The following NAV2 variants were observed in gnomAD, a reference collection of about 807,000 sequenced individuals.
NAV2 encodes neuron navigator 2, also known as helicase, APC down-regulated 1.
Under a neutral mutation model 223.2 loss-of-function variants are expected in NAV2, and 54 were observed. That is an observed-to-expected ratio of 0.24 (90% CI 0.19 to 0.30). The LOEUF is 0.30. Ranked by LOEUF, NAV2 falls within the 10% of genes least tolerant of loss-of-function variation. NAV2 has a pLI of 1.00. For missense variants in NAV2, 2,806 were observed against 3,147.5 expected (o/e 0.89, Z 2.60); for synonymous variants, 1,279 against 1,239.3 (o/e 1.03, Z -0.67).
chr11:19,693,894 G>A (rs1243025790), intron 1 of NAV2, among the ~76,000 whole-genome samples: 1 of 152,158 alleles, frequency 6.6e-6, no homozygotes, highest in Non-Finnish European at 1.5e-5. Flanking sequence ...TAGGAGATTG[G>A]ACTGTAAAAT....
chr11:19,890,011 A>G (rs971486666), intron 5 of NAV2, among the ~76,000 whole-genome samples: 1 of 152,170 alleles, frequency 6.6e-6, no homozygotes, highest in Non-Finnish European at 1.5e-5. Flanking sequence ...TGTTTCTTTT[A>G]TGCCAGTGTC....
intron 1 of NAV2, among the ~76,000 whole-genome samples, chr11:19,552,578 A>G (rs184015791): frequency 4.1e-4 from 62 of 152,258 alleles, no homozygotes; most frequent in Non-Finnish European, 7.9e-4. Context: ...ACACAAGAAA[A>G]ACTCCATTTG....
At chr11:19,841,009 C>T (rs2060482812) in intron 2 of NAV2, among the ~76,000 whole-genome samples, 1 of 152,120 alleles carries the variant, frequency 6.6e-6, no homozygotes, top group East Asian at 1.9e-4. Context: ...TGAGTTATTC[C>T]ATTCAGTGGG....
In NAV2 at chr11:19,998,649, T is replaced by A. The variant is rs542597980; in HGVS notation, c.2768+14402T>A. ...CATCCATTCCCCTGGACGTGCCGGA[T>A]CTTCTCTTTCGTCAGAAGCTTTGCA... On this transcript the variant is annotated intron_variant, in intron 11 of 37. Coordinates refer to ENST00000349880, the MANE Select transcript of NAV2 (RefSeq NM_145117.5). The surrounding 1 kb of genome is among the most constrained non-coding windows in gnomAD (Gnocchi z 5.0). 1.3e-5 allele frequency among the ~76,000 whole-genome samples: 2 copies of A among 152,204 alleles called. No homozygotes were observed. Among genetic ancestry groups the A allele is most frequent in the Admixed American group, 6.5e-5 (1 of 15,286 alleles).
chr11:19,846,370 C>A (rs1028234587), intron 3 of NAV2, among the ~76,000 whole-genome samples: 1 of 152,146 alleles, frequency 6.6e-6, no homozygotes, highest in African/African-American at 2.4e-5. Context: ...GAAGAGCCCA[C>A]AGTACAACAG....
intron 1 of NAV2, among the ~76,000 whole-genome samples, chr11:19,740,012 C>T (rs752633310): frequency 3.9e-5 from 6 of 152,136 alleles, no homozygotes; most frequent in East Asian, 3.9e-4. Context: ...CCTGTTTATT[C>T]GTACTCCGAG....
At chr11:20,111,287 G>T (rs896977221) in intron 36 of NAV2, among the ~76,000 whole-genome samples, 1 of 152,156 alleles carries the variant, frequency 6.6e-6, no homozygotes, top group Non-Finnish European at 1.5e-5. Flanking sequence ...TCCTGACCCA[G>T]TGGGGATGCC....
At chr11:19,766,127 A>G (rs541696512) in intron 1 of NAV2, among the ~76,000 whole-genome samples, 1 of 151,988 alleles carries the variant, frequency 6.6e-6, no homozygotes, top group Admixed American at 6.6e-5. Flanking sequence ...TAATTATATA[A>G]TATATAATTA....
Position 19,887,487 on chromosome 11 carries a change from T to C in NAV2, c.771-4947T>C, listed in dbSNP as rs2041112615. On this transcript the variant is annotated intron_variant, in intron 5 of 37. Transcript: ENST00000349880. Reference sequence around the variant, plus strand: ...GATTTGATCTCTATGAGCCTGGGTTTCCTTATTGGTCAAATGGGGTAGTCT... The same window carrying C: ...GATTTGATCTCTATGAGCCTGGGTTCCCTTATTGGTCAAATGGGGTAGTCT... Among the ~76,000 whole-genome samples, 3 of 152,174 alleles carry C rather than the reference T, an allele frequency of 2.0e-5. No individual in the cohort carries two copies. In the South Asian group the frequency reaches 6.2e-4, roughly 32 times the overall value.
chr11:19,531,565 G>A (rs2044028756), intron 1 of NAV2, among the ~76,000 whole-genome samples: 1 of 152,210 alleles, frequency 6.6e-6, no homozygotes, highest in Non-Finnish European at 1.5e-5. Context: ...AAAGAAAGGA[G>A]TCTATGGTAA....
intron 2 of NAV2, among the ~76,000 whole-genome samples, chr11:19,838,405 G>A (rs2060342706): frequency 6.6e-6 from 1 of 152,116 alleles, no homozygotes; most frequent in Admixed American, 6.5e-5. Flanking sequence ...AGTGAGACAG[G>A]CAAAGCAGTC....
At chr11:19,914,808 T>C (rs974993717) in intron 6 of NAV2, among the ~76,000 whole-genome samples, 1 of 151,826 alleles carries the variant, frequency 6.6e-6, no homozygotes, top group African/African-American at 2.4e-5. Flanking sequence ...CCTCCCAAAG[T>C]GCTGGGATTA....
chr11:20,048,580 C>A, intron 14 of NAV2, 148 bp from the exon 15 acceptor site: 1 of 674,302 alleles, frequency 1.5e-6, no homozygotes, highest in Non-Finnish European at 2.5e-6. Context: ...CTGACCTTTC[C>A]CTGAAGTACC....
chr11:19,861,509 G>A (rs553942469), intron 3 of NAV2, among the ~76,000 whole-genome samples: 8 of 152,152 alleles, frequency 5.3e-5, no homozygotes, highest in Admixed American at 1.3e-4. Flanking sequence ...TAAACATCAC[G>A]AATATATCCT....
chr11:19,778,212 T>G, intron 1 of NAV2: 1 of 403,258 alleles, frequency 2.5e-6, no homozygotes, highest in Non-Finnish European at 4.9e-6. Context: ...AATCTCTGGG[T>G]TTTGCTTTTG....
At chr11:19,538,891 T>TTATATATATA (rs57662236) in intron 1 of NAV2, among the ~76,000 whole-genome samples, 3,004 of 146,408 alleles carry the variant, frequency 0.021, 101 homozygotes, top group African/African-American at 0.071. Context: ...TAATGACATT[T>TTATATATATA]TATATATATA....
At chr11:19,829,381 G>C (rs1266913645) in intron 1 of NAV2, among the ~76,000 whole-genome samples, 1 of 152,308 alleles carries the variant, frequency 6.6e-6, no homozygotes, top group East Asian at 1.9e-4. Context: ...GGATATTCCA[G>C]ACTCTTGAAA....
intron 1 of NAV2, among the ~76,000 whole-genome samples, chr11:19,360,505 A>G (rs1853872239): frequency 6.6e-6 from 1 of 152,190 alleles, no homozygotes; most frequent in African/African-American, 2.4e-5. Flanking sequence ...GACTGTTTTA[A>G]CAAGTGTCAG....
At chr11:19,358,063 C>T (rs548722433) in intron 1 of NAV2, among the ~76,000 whole-genome samples, 1 of 152,280 alleles carries the variant, frequency 6.6e-6, no homozygotes, top group Non-Finnish European at 1.5e-5. Flanking sequence ...AAGCTTGGAT[C>T]AGATTCTTCC....
Sources: allele counts gnomAD v4.1 joint callset (sites outside exome capture counted in the v4.1 genomes callset), GRCh38; gene constraint gnomAD v4.1.1; non-coding constraint Gnocchi (gnomAD v3.1); transcripts MANE v1.5; gene names NCBI Gene and HGNC (gene_info 2026-07-23, HGNC 2026-07-21).